RNF146: variants seen among roughly 807,000 people sequenced by gnomAD.
RNF146 encodes the protein E3 ubiquitin-protein ligase RNF146.
A neutral mutation model predicts 29.7 loss-of-function variants in RNF146; 11 were observed. That is an observed-to-expected ratio of 0.37 (90% CI 0.23 to 0.61). RNF146 has a LOEUF of 0.61. Ranked by LOEUF, RNF146 falls within the 20% of genes least tolerant of loss-of-function variation. The pLI, the probability that RNF146 is intolerant of heterozygous loss-of-function variation, is 0.66. For missense variants in RNF146, 342 were observed against 438.9 expected (o/e 0.78, Z 1.97); for synonymous variants, 150 against 159.7 (o/e 0.94, Z 0.46).
At chr6:127,280,482 A>G (rs1778782949) in intron 2 of RNF146, 142 bp downstream of exon 2, 5 of 1,312,688 alleles carry the variant, frequency 3.8e-6, no homozygotes, top group Non-Finnish European at 4.9e-6. Context: ...TGCTTTATTA[A>G]CAATTTATTT....
At chr6:127,268,840 G>A (rs914480314) in intron 1 of RNF146, among the ~76,000 whole-genome samples, 1 of 152,038 alleles carries the variant, frequency 6.6e-6, no homozygotes, top group African/African-American at 2.4e-5. Context: ...CTTGTCAGAG[G>A]AAAGGAACAG....
chr6:127,266,742 C>G (rs981976755), upstream of RNF146: 1 of 152,184 alleles, frequency 6.6e-6, no homozygotes, highest in Non-Finnish European at 1.5e-5. Flanking sequence ...CGGCGCGAGA[C>G]AGGGGCAGAA....
chr6:127,281,418 A>G (rs930537369), intron 2 of RNF146, among the ~76,000 whole-genome samples: 3 of 151,752 alleles, frequency 2.0e-5, no homozygotes, highest in East Asian at 1.9e-4. Context: ...AATAGATGCC[A>G]TATTAAGGTA....
intron 2 of RNF146, chr6:127,285,912 C>G: frequency 2.0e-6 from 1 of 503,310 alleles, no homozygotes; most frequent in Non-Finnish European, 3.0e-6. Flanking sequence ...CCCATCAGTA[C>G]TTAGTATTGT....
At chr6:127,278,626 G>T (rs1778548266) in intron 1 of RNF146, among the ~76,000 whole-genome samples, 1 of 151,820 alleles carries the variant, frequency 6.6e-6, no homozygotes, top group African/African-American at 2.4e-5. Context: ...TAATATTTCC[G>T]CAGTGAATAT....
chr6:127,286,079 C>T lies in RNF146; in HGVS notation c.3-537C>T. On this transcript the variant is annotated intron_variant, in intron 2 of 2. Coordinates refer to ENST00000368314, the MANE Select transcript of RNF146 (RefSeq NM_001242850.2). This position sits in a 1 kb window ranked among gnomAD's most constrained non-coding sequence, Gnocchi z 4.6. ...TCTTCAATATTCATGTTATTTTCTC[C>T]TTTGGTCTTATATGATTGTTACCTT... 8.1e-7 allele frequency: 1 copy of T among 1,229,318 alleles called. No homozygotes were observed. The highest frequency in any genetic ancestry group is 1.0e-6 in the Non-Finnish European group (1 of 986,320). 76.2% of individuals were successfully genotyped at this position (1,229,318 alleles called of 1,614,324 possible).
chr6:127,273,874 CATT>C (rs1487012422), intron 1 of RNF146, among the ~76,000 whole-genome samples: 4 of 152,040 alleles, frequency 2.6e-5, no homozygotes, highest in Non-Finnish European at 4.4e-5. Context: ...GTCACTGATA[CATT>C]CTTTTGTTTA....
intron 1 of RNF146, among the ~76,000 whole-genome samples, chr6:127,270,432 A>ATGTTTGGCAAATT (rs1158104390): frequency 5.9e-5 from 9 of 152,132 alleles, no homozygotes; most frequent in Admixed American, 4.6e-4. Flanking sequence ...TGAGTTATTT[A>ATGTTTGGCAAATT]TGTTTGGCAA....
At chr6:127,268,245 G>A (rs1424663327) in intron 1 of RNF146, among the ~76,000 whole-genome samples, 2 of 152,276 alleles carry the variant, frequency 1.3e-5, no homozygotes, top group South Asian at 4.1e-4. Flanking sequence ...GGATGTGAAC[G>A]TATAATATTG....
chr6:127,286,228 T>A lies in RNF146; in HGVS notation c.3-388T>A, dbSNP rs1351887240. 4.1e-6 allele frequency: 5 copies of A among 1,206,280 alleles called. No individual in the cohort carries two copies. The highest frequency in any genetic ancestry group is 6.3e-5 in the East Asian group (2 of 31,526). 74.7% of individuals were successfully genotyped at this position (1,206,280 alleles called of 1,614,324 possible). On this transcript the variant is annotated intron_variant, in intron 2 of 2. Coordinates refer to ENST00000368314, the MANE Select transcript of RNF146 (RefSeq NM_001242850.2). The surrounding 1 kb of genome is among the most constrained non-coding windows in gnomAD (Gnocchi z 4.6). ...AACTGAGTGCCTAAGAGCACATAAT[T>A]AATAAAGGACTCTAAAACTCAGATT...
At chr6:127,271,620 G>A (rs796930777) in intron 1 of RNF146, among the ~76,000 whole-genome samples, 5 of 152,178 alleles carry the variant, frequency 3.3e-5, no homozygotes, top group African/African-American at 1.2e-4. Context: ...TTGAGCACTT[G>A]ACATGTATCC....
At chr6:127,279,698 T>C (rs949036771) in intron 1 of RNF146, among the ~76,000 whole-genome samples, 2 of 151,888 alleles carry the variant, frequency 1.3e-5, no homozygotes, top group Non-Finnish European at 2.9e-5. Flanking sequence ...CATTTTAATA[T>C]GTTAAGTCTT....
chr6:127,288,465 T>C lies in RNF146; in HGVS notation c.*772T>C, dbSNP rs1779806132. On this transcript the variant is annotated 3_prime_UTR_variant, in exon 3 of 3. Coordinates refer to ENST00000368314, the MANE Select transcript of RNF146 (RefSeq NM_001242850.2). The stretch of plus-strand genomic sequence containing the variant: ...GTGGTTTTAATTGGTTGTTTTCAGC[T>C]TAATCACCTGCTCAGAAAAGTTTGA... 6.0e-6 allele frequency: 1 copy of C among 166,992 alleles called. No individual in the cohort carries two copies. Among genetic ancestry groups the C allele is most frequent in the African/African-American group, 2.4e-5 (1 of 41,438 alleles). The allele number at this position is 166,992 out of a possible 1,614,324, so 10.3% of individuals were successfully genotyped here. A position where few individuals can be genotyped will look rare whatever the true frequency, so the allele number is the denominator to read the frequency against.
rs1296869075 is a variant in RNF146 at position 127,288,300 on chromosome 6, G to C, written c.*607G>C. The C allele has an allele frequency of 6.0e-6, 1 of 166,650 alleles. No individual in the cohort carries two copies. The highest frequency in any genetic ancestry group is 1.5e-5 in the Non-Finnish European group (1 of 68,034). The allele number at this position is 166,650 out of a possible 1,614,324, so 10.3% of individuals were successfully genotyped here. A position where few individuals can be genotyped will look rare whatever the true frequency, so the allele number is the denominator to read the frequency against. ...AGTCTTATAGTTTGAGGTTTTTTTGGTCTGCATTTTTCTTTTTGATTACAA... is the reference window on the plus strand; with the variant it reads ...AGTCTTATAGTTTGAGGTTTTTTTGCTCTGCATTTTTCTTTTTGATTACAA... On this transcript the variant is annotated 3_prime_UTR_variant, in exon 3 of 3. Transcript: ENST00000368314.
At chr6:127,283,582 T>A (rs1243983465) in intron 2 of RNF146, among the ~76,000 whole-genome samples, 1 of 151,828 alleles carries the variant, frequency 6.6e-6, no homozygotes, top group Non-Finnish European at 1.5e-5. Context: ...GTATGTCTTA[T>A]AGGTAGACTA....
chr6:127,270,030 T>G (rs1335064735), intron 1 of RNF146, among the ~76,000 whole-genome samples: 1 of 152,198 alleles, frequency 6.6e-6, no homozygotes, highest in African/African-American at 2.4e-5. Flanking sequence ...TATGCTCATC[T>G]TTTTCTTTGA....
chr6:127,286,911 G>C lies in RNF146; in HGVS notation c.298G>C (p.Gly100Arg), dbSNP rs371920216. 6.2e-7 allele frequency: 1 copy of C among 1,613,222 alleles called. No homozygotes were observed. Among genetic ancestry groups the C allele is most frequent in the Admixed American group, 1.7e-5 (1 of 59,838 alleles). The change falls in exon 3 of 3, where the codon GGA becomes CGA. Residue 100 changes from glycine (G) to arginine (R), a missense_variant. By Grantham distance (125) the Gly-to-Arg change is moderately radical. Transcript: ENST00000368314. The surrounding 1 kb of genome is among the most constrained non-coding windows in gnomAD (Gnocchi z 4.6). ...SPEELKAASR[G>R]NGEYAWYYEG... ...AGAAGAACTCAAGGCAGCAAGTAGA[G>C]GAAATGGTGAATATGCATGGTATTA...
At chr6:127,280,495 A>G (rs1778784925) in intron 2 of RNF146, 155 bp downstream of exon 2, 27 of 1,290,578 alleles carry the variant, frequency 2.1e-5, no homozygotes, top group Non-Finnish European at 2.7e-5. Context: ...ATTTATTTAC[A>G]TTAAGTTATC....
chr6:127,280,836 T>A (rs1778824101), intron 2 of RNF146: 1 of 152,060 alleles, frequency 6.6e-6, no homozygotes, highest in African/African-American at 2.4e-5. Flanking sequence ...TTTTACTAGT[T>A]GTGCTTTCAT....
Sources: allele counts gnomAD v4.1 joint callset (sites outside exome capture counted in the v4.1 genomes callset), GRCh38; gene constraint gnomAD v4.1.1; non-coding constraint Gnocchi (gnomAD v3.1); transcripts MANE v1.5; gene names NCBI Gene and HGNC (gene_info 2026-07-23, HGNC 2026-07-21).